Variants in MERTK observed in about 807,000 individuals in gnomAD.
MERTK encodes the protein tyrosine-protein kinase Mer.
A neutral mutation model predicts 99.3 loss-of-function variants in MERTK; 69 were observed. The ratio of observed to expected loss-of-function variants is 0.70; its 90% CI spans 0.57 to 0.85. The LOEUF (loss-of-function observed/expected upper bound fraction) is 0.85, where lower values mean the gene tolerates loss of function less well. Ranked by LOEUF, MERTK falls within the 40% of genes least tolerant of loss-of-function variation. The pLI is 0.00. For synonymous variants in MERTK, 426 were observed against 467.6 expected (o/e 0.91, Z 1.15); for missense variants, 1,125 against 1,249.4 (o/e 0.90, Z 1.50).
intron 4 of MERTK, among the ~76,000 whole-genome samples, chr2:111,951,522 CATATATATATATATAT>C (rs56410508): frequency 8.2e-5 from 7 of 85,870 alleles, no homozygotes; most frequent in Admixed American, 1.3e-4. Context: ...ATAATATTCC[CATATATATATATATAT>C]ATATATATAT....
intron 1 of MERTK, among the ~76,000 whole-genome samples, chr2:111,911,350 C>T (rs1684243778): frequency 6.6e-6 from 1 of 151,802 alleles, no homozygotes. Context: ...GTAAATATAC[C>T]ATAGTTTTAT....
rs576607117 is a variant in MERTK, at chr2:112,019,406, C to T, written c.2080-7C>T. 16 of 1,596,168 alleles carry T rather than the reference C, an allele frequency of 1.0e-5. No homozygotes were observed. In the South Asian group the frequency reaches 1.3e-4, roughly 13 times the overall value. On this transcript the variant is annotated splice_region_variant and splice_polypyrimidine_tract_variant and intron_variant, in intron 15 of 18. Transcript: ENST00000295408. ...TAGTCTTTCTTCTTGTTTCCTCTAT[C>T]ATCTAGCATATTCCTCTGCAGACAC...
chr2:111,992,629 T>C (rs975646967), intron 8 of MERTK, among the ~76,000 whole-genome samples: 4 of 151,628 alleles, frequency 2.6e-5, no homozygotes, highest in Non-Finnish European at 4.4e-5. Context: ...TGTGCACCTG[T>C]AGTCCCAGCT....
At chr2:111,928,343 AG>A (rs1250481568) in intron 1 of MERTK, among the ~76,000 whole-genome samples, 6 of 145,360 alleles carry the variant, frequency 4.1e-5, no homozygotes, top group Non-Finnish European at 8.9e-5. Flanking sequence ...CTCCTTCCTC[AG>A]CCCCCCAAAT....
chr2:111,931,768 G>A (rs1430119966), intron 2 of MERTK, among the ~76,000 whole-genome samples: 1 of 152,138 alleles, frequency 6.6e-6, no homozygotes, highest in South Asian at 2.1e-4. Context: ...GTCTCATTGG[G>A]TGTCACCTAG....
At chr2:112,010,723 T>C (rs1677082278) in intron 15 of MERTK, among the ~76,000 whole-genome samples, 1 of 152,168 alleles carries the variant, frequency 6.6e-6, no homozygotes. Context: ...ATTGTATCTT[T>C]CATTTCCTAG....
intron 15 of MERTK, among the ~76,000 whole-genome samples, chr2:112,011,456 G>A (rs763420616): frequency 6.6e-6 from 1 of 152,128 alleles, no homozygotes; most frequent in Non-Finnish European, 1.5e-5. Flanking sequence ...ACCAAAGGAA[G>A]TTTATTAAGT....
chr2:111,903,029 TCAGCCTCC>T (rs767083824), intron 1 of MERTK, among the ~76,000 whole-genome samples: 15 of 152,194 alleles, frequency 9.9e-5, no homozygotes, highest in Non-Finnish European at 1.8e-4. Flanking sequence ...TCCGCCTACC[TCAGCCTCC>T]CAAAGTGCAG....
At chr2:111,902,085 G>A (rs1466726770) in intron 1 of MERTK, among the ~76,000 whole-genome samples, 10 of 152,014 alleles carry the variant, frequency 6.6e-5, no homozygotes, top group South Asian at 2.1e-4. Context: ...GGGTTTCTCC[G>A]TGTTGGTTAG....
intron 1 of MERTK, among the ~76,000 whole-genome samples, chr2:111,910,561 C>A (rs1182133047): frequency 1.9e-4 from 29 of 151,348 alleles, no homozygotes; most frequent in East Asian, 1.2e-3. Flanking sequence ...TGAGCCACCT[C>A]ACCCGGCTGA....
At position 111,907,100 on chromosome 2, in the gene MERTK, T is replaced by A. The variant is rs372723908; in HGVS notation, c.61+8304T>A. On this transcript the variant is annotated intron_variant, in intron 1 of 18. Transcript: ENST00000295408. ...TCAGCCCAGAAACGGAGATGGAGGC[T>A]GTGTGAAGAGTTTCATTAAAAATGA... 3.7e-4 allele frequency among the ~76,000 whole-genome samples: 57 copies of A among 152,260 alleles called. No individual in the cohort carries two copies. In the South Asian group the frequency reaches 0.01, roughly 28 times the overall value.
At chr2:111,978,092 A>C (rs1012368700) in intron 7 of MERTK, among the ~76,000 whole-genome samples, 4 of 148,946 alleles carry the variant, frequency 2.7e-5, no homozygotes, top group African/African-American at 7.4e-5. Context: ...CTACAGGTGC[A>C]TGCCACCACA....
At chr2:111,916,000 CTA>C (rs772681153) in intron 1 of MERTK, among the ~76,000 whole-genome samples, 4 of 152,134 alleles carry the variant, frequency 2.6e-5, no homozygotes, top group Non-Finnish European at 5.9e-5. Flanking sequence ...AGAACATAGA[CTA>C]TATGATTTCA....
At chr2:111,909,753 C>G (rs1354012180) in intron 1 of MERTK, among the ~76,000 whole-genome samples, 1 of 151,972 alleles carries the variant, frequency 6.6e-6, no homozygotes. Context: ...CTCCCTGTAC[C>G]CAGGGAGAAA....
intron 13 of MERTK, among the ~76,000 whole-genome samples, chr2:112,006,535 G>A (rs1292506197): frequency 1.3e-5 from 2 of 152,106 alleles, no homozygotes; most frequent in Non-Finnish European, 2.9e-5. Context: ...TTCCTATTAG[G>A]GATATAAGGC....
At chr2:112,009,590 C>A (rs1446455102) in intron 14 of MERTK, among the ~76,000 whole-genome samples, 2 of 152,160 alleles carry the variant, frequency 1.3e-5, no homozygotes, top group Non-Finnish European at 2.9e-5. Flanking sequence ...ATCATAGCCA[C>A]TGGGGACATT....
At chr2:112,008,362 C>G in intron 13 of MERTK, 21 bp from the exon 14 acceptor site, 5 of 1,588,782 alleles carry the variant, frequency 3.1e-6, no homozygotes, top group Non-Finnish European at 4.3e-6. Flanking sequence ...CATACTTAAC[C>G]TTTTCTATTT....
chr2:111,982,888 T>C lies in MERTK; in HGVS notation c.1191T>C (p.Ser397=), dbSNP rs2104741150. ...ATGTCACTGTGTTTCTGAATGAATC[T>C]AGTGATAATGTGGACATCAGATGGA... The part of the protein sequence containing the change: ...PLNVTVFLNE[S]SDNVDIRWMK... Residue 397 remains serine (S), a synonymous_variant, in exon 8 of 19, where the codon TCT becomes TCC. Transcript: ENST00000295408. The C allele has an allele frequency of 6.2e-7, 1 of 1,614,112 alleles. No homozygotes were observed. Among genetic ancestry groups the C allele is most frequent in the Non-Finnish European group, 8.5e-7 (1 of 1,179,956 alleles).
intron 18 of MERTK, 74 bp downstream of exon 18, chr2:112,022,468 C>A: frequency 6.2e-7 from 1 of 1,603,598 alleles, no homozygotes; most frequent in Non-Finnish European, 8.5e-7. Flanking sequence ...ACCTCGGAAA[C>A]ACAGCCATGG....
Sources: gnomAD v4.1 joint callset for allele counts (sites outside exome capture counted in the v4.1 genomes callset) on GRCh38, gnomAD v4.1.1 for gene constraint, MANE v1.5 for transcripts, NCBI Gene and HGNC (gene_info 2026-07-23, HGNC 2026-07-21) for gene names.